Variants in HYAL1 observed in about 807,000 individuals in gnomAD.
HYAL1 encodes the protein hyaluronidase 1.
Under a neutral mutation model 28.8 loss-of-function variants are expected in HYAL1, and 21 were observed. The ratio of observed to expected loss-of-function variants is 0.73; its 90% CI spans 0.52 to 1.05. The LOEUF (loss-of-function observed/expected upper bound fraction) is 1.05, where lower values mean the gene tolerates loss of function less well. HYAL1 is among the 50% of genes least tolerant of loss of function. HYAL1 has a pLI of 0.00. For missense variants in HYAL1, 491 were observed against 579.2 expected, an observed-to-expected ratio of 0.85 and a Z score of 1.56; for synonymous variants, 200 against 230.1, an observed-to-expected ratio of 0.87 and a Z score of 1.18.
chr3:50,300,975 G>T lies in HYAL1; in HGVS notation c.990+13C>A. On this transcript the variant is annotated intron_variant, in intron 3 of 3. Transcript: ENST00000395144. ...CTCCCCCACCCCCACCCTCATGCCA[G>T]GCCTAAGCTCACCTTGGTTCTTGTA... The T allele has an allele frequency of 8.4e-7, 1 of 1,185,248 alleles. No individual in the cohort carries two copies. Among genetic ancestry groups the T allele is most frequent in the Non-Finnish European group, 1.2e-6 (1 of 848,930 alleles). The allele number at this position is 1,185,248 out of a possible 1,614,324, so 73.4% of individuals were successfully genotyped here.
intron 1 of HYAL1, among the ~76,000 whole-genome samples, chr3:50,311,860 T>A (rs1406813992): frequency 1.7e-5 from 2 of 115,784 alleles, no homozygotes; most frequent in East Asian, 2.9e-4. Context: ...CCCCCCCACC[T>A]CCCTCCCGGA....
intron 2 of HYAL1, 127 bp from the exon 3 acceptor site, chr3:50,301,204 G>A: frequency 3.2e-6 from 2 of 634,072 alleles, no homozygotes; most frequent in Non-Finnish European, 5.6e-6. Context: ...TGGGACCAGA[G>A]GCAAACTGCT....
intron 3 of HYAL1, 30 bp downstream of exon 3, chr3:50,300,941 GCCCCACCCCTCCCCCAC>G: frequency 1.1e-6 from 1 of 889,762 alleles, no homozygotes; most frequent in Non-Finnish European, 1.8e-6. Context: ...CAGCTTAATG[GCCCCACCCCTCCCCCAC>G]CCCCACCCTC....
At chr3:50,304,428 C>T (rs1193799198), upstream of HYAL1, among the ~76,000 whole-genome samples, 4 of 143,538 alleles carry the variant, frequency 2.8e-5, no homozygotes, top group African/African-American at 1.0e-4. Flanking sequence ...TAGCAAGACC[C>T]CATCTCTACA....
Position 50,300,300 on chromosome 3 carries a change from T to G in HYAL1, c.*183A>C. The G allele has an allele frequency of 1.5e-6, 1 of 667,624 alleles. No homozygotes were observed. The allele number at this position is 667,624 out of a possible 1,614,324, so 41.4% of individuals were successfully genotyped here. A position where few individuals can be genotyped will look rare whatever the true frequency, so the allele number is the denominator to read the frequency against. On this transcript the variant is annotated 3_prime_UTR_variant, in exon 4 of 4. Transcript: ENST00000395144. ...GAATGGTGTCTGCTGTGGTTCTAAC[T>G]CCTTATGCCACTATTCCAGTCTGTA...
upstream of HYAL1, chr3:50,303,890 G>A (rs1702272419): frequency 6.6e-6 from 1 of 152,198 alleles, no homozygotes; most frequent in South Asian, 2.1e-4. Flanking sequence ...AGTGTTCTTT[G>A]TCCACGTGGC....
upstream of HYAL1, among the ~76,000 whole-genome samples, chr3:50,307,598 G>A (rs1342417694): frequency 8.5e-5 from 11 of 129,352 alleles, 1 homozygote; most frequent in Middle Eastern, 5.5e-3. Flanking sequence ...GGAGAATGGC[G>A]TGAACCCGGG....
upstream of HYAL1, among the ~76,000 whole-genome samples, chr3:50,306,713 C>G (rs1702340294): frequency 6.6e-6 from 1 of 150,998 alleles, no homozygotes; most frequent in Admixed American, 6.6e-5. Context: ...ATGGTGAAAC[C>G]TATCTCTACT....
chr3:50,311,898 A>G (rs1304021294), intron 1 of HYAL1, among the ~76,000 whole-genome samples: 3 of 101,072 alleles, frequency 3.0e-5, no homozygotes, highest in Admixed American at 2.1e-4. Flanking sequence ...CGGGGGGCTG[A>G]TCCCCCCTCC....
Position 50,300,339 on chromosome 3 carries a change from G to T in HYAL1, c.*144C>A. ...TTCCAGTCTGTAAGTATGCATGTGT[G>T]TGCAGGGAATATGCCTGTGACAGTG... On this transcript the variant is annotated 3_prime_UTR_variant, in exon 4 of 4. Transcript: ENST00000395144. The T allele has an allele frequency of 8.8e-6, 7 of 792,268 alleles. No individual in the cohort carries two copies. The South Asian group carries it at 1.0e-4, about 12-fold the overall frequency. 49.1% of individuals were successfully genotyped at this position (792,268 alleles called of 1,614,324 possible).
intron 1 of HYAL1, 103 bp from the exon 2 acceptor site, chr3:50,303,083 C>A: frequency 1.1e-6 from 1 of 914,530 alleles, no homozygotes; most frequent in Non-Finnish European, 1.6e-6. Context: ...CACCGCTGCT[C>A]TGGTTTCTGT....
chr3:50,301,624 A>G (rs1336255061), intron 2 of HYAL1, among the ~76,000 whole-genome samples: 2 of 149,096 alleles, frequency 1.3e-5, no homozygotes, highest in Non-Finnish European at 3.0e-5. Context: ...TCAAAAAAAA[A>G]AAAAAAAAAA....
Position 50,300,763 on chromosome 3 carries a change from G to A in HYAL1, c.1028C>T (p.Thr343Ile), listed in dbSNP as rs781834074. ...CQAIKEYMDT[T>I]LGPFILNVTS... The stretch of plus-strand genomic sequence containing the variant: ...CACGTTCAGGATGAAGGGCCCCAGT[G>A]TAGTGTCCATATACTCCTTGATGGC... The change falls in exon 4 of 4, where the codon ACA becomes ATA. Residue 343 changes from threonine (T) to isoleucine (I), a missense_variant. Thr to Ile is a moderately conservative substitution (Grantham distance 89, BLOSUM62 -1). Coordinates refer to ENST00000395144, the MANE Select transcript of HYAL1 (RefSeq NM_033159.4). 7 of 1,613,934 alleles carry A rather than the reference G, an allele frequency of 4.3e-6. No homozygotes were observed. Among genetic ancestry groups the A allele is most frequent in the Non-Finnish European group, 5.9e-6 (7 of 1,180,000 alleles).
At chr3:50,310,505 A>C (rs1702423647) in intron 1 of HYAL1, among the ~76,000 whole-genome samples, 1 of 150,498 alleles carries the variant, frequency 6.6e-6, no homozygotes, top group Non-Finnish European at 1.5e-5. Context: ...TGACCTCGTG[A>C]TCTGCCCGCC....
upstream of HYAL1, among the ~76,000 whole-genome samples, chr3:50,304,292 AAAAAATATATATATATATATATATATAT>A (rs1338487390): frequency 7.9e-3 from 409 of 51,632 alleles, 23 homozygotes; most frequent in East Asian, 0.068. Flanking sequence ...AAAAAAAAAA[AAAAAATATATATATATATATATATATAT>A]ATATATATAT....
intron 1 of HYAL1, among the ~76,000 whole-genome samples, chr3:50,310,590 T>A (rs1702425669): frequency 7.8e-6 from 1 of 127,836 alleles, no homozygotes; most frequent in South Asian, 2.2e-4. Flanking sequence ...TCTTTTTTTT[T>A]TCTTTTTTTT....
At chr3:50,308,605 G>A (rs1187056540) in intron 2 of HYAL1, among the ~76,000 whole-genome samples, 3 of 149,302 alleles carry the variant, frequency 2.0e-5, no homozygotes, top group Admixed American at 6.6e-5. Flanking sequence ...CCACCACCGC[G>A]CCCGGCTAAT....
chr3:50,306,555 G>A (rs1232223367), upstream of HYAL1, among the ~76,000 whole-genome samples: 1 of 151,094 alleles, frequency 6.6e-6, no homozygotes, highest in Non-Finnish European at 1.5e-5. Flanking sequence ...TACTTTAGCA[G>A]CATTTTGTTC....
intron 1 of HYAL1, 119 bp from the exon 2 acceptor site, chr3:50,303,099 A>T (rs1446478230): frequency 1.2e-6 from 1 of 801,874 alleles, no homozygotes; most frequent in Non-Finnish European, 1.9e-6. Flanking sequence ...TCTGTTAAAC[A>T]TTGACCTGCA....
Sources: allele counts gnomAD v4.1 joint callset (sites outside exome capture counted in the v4.1 genomes callset), GRCh38; gene constraint gnomAD v4.1.1; transcripts MANE v1.5; gene names NCBI Gene and HGNC (gene_info 2026-07-23, HGNC 2026-07-21).